P3H2: variants seen among roughly 807,000 people sequenced by gnomAD.
P3H2 encodes the protein leprecan-like 1.
Under a neutral mutation model 87.0 loss-of-function variants are expected in P3H2, and 80 were observed. That is an observed-to-expected ratio of 0.92 (90% CI 0.77 to 1.11). P3H2 has a LOEUF of 1.11. P3H2 is among the 50% of genes least tolerant of loss of function. P3H2 has a pLI of 0.00. For synonymous variants in P3H2, 367 were observed against 359.3 expected (o/e 1.02, Z -0.24); for missense variants, 1,001 against 923.9 (o/e 1.08, Z -1.08).
intron 8 of P3H2, among the ~76,000 whole-genome samples, chr3:189,977,476 C>T (rs956949801): frequency 2.0e-5 from 3 of 152,176 alleles, no homozygotes; most frequent in Admixed American, 1.3e-4. Flanking sequence ...GGTGAGAGAT[C>T]CTGAAGCCAA....
At chr3:189,974,139 G>A (rs1560343547) in intron 9 of P3H2, 135 bp from the exon 10 acceptor site, 9 of 734,656 alleles carry the variant, frequency 1.2e-5, no homozygotes, top group Non-Finnish European at 2.2e-5. Context: ...CAGGATGCTG[G>A]TATAACTATT....
chr3:189,973,938 C>T lies in P3H2; in HGVS notation c.1519G>A (p.Glu507Lys), dbSNP rs1723264365. 3.1e-6 allele frequency: 5 copies of T among 1,614,118 alleles called. No homozygotes were observed. Among genetic ancestry groups the T allele is most frequent in the Non-Finnish European group, 4.2e-6 (5 of 1,180,000 alleles). Residue 507 changes from glutamate to lysine, a missense_variant, in exon 10 of 15, where the codon GAA becomes AAA. Transcript: ENST00000319332. ...AGTGCTTTCAGGACAGTTGCACCTT[C>T]AAACTTTTCATTGGGTGTATGGGGT... ...TSPHTPNEKFEGATVLKALKS... is the reference protein window; with the variant it reads ...TSPHTPNEKFKGATVLKALKS...
At chr3:190,086,448 A>T (rs1365295905) in intron 1 of P3H2, among the ~76,000 whole-genome samples, 2 of 152,106 alleles carry the variant, frequency 1.3e-5, no homozygotes, top group Non-Finnish European at 2.9e-5. Flanking sequence ...CTAATTCCCA[A>T]CCTGCAGCAG....
At chr3:190,024,303 T>C (rs1432915027) in intron 1 of P3H2, among the ~76,000 whole-genome samples, 5 of 151,792 alleles carry the variant, frequency 3.3e-5, no homozygotes, top group African/African-American at 7.3e-5. Context: ...CTTTGGGAGA[T>C]AGAGGCAGGT....
chr3:190,011,116 A>G (rs1474023742), intron 1 of P3H2, among the ~76,000 whole-genome samples: 2 of 152,110 alleles, frequency 1.3e-5, no homozygotes, highest in Non-Finnish European at 2.9e-5. Flanking sequence ...TCTACTAAAA[A>G]TACAAACAAT....
intron 1 of P3H2, among the ~76,000 whole-genome samples, chr3:190,100,998 C>G (rs1711605452): frequency 6.6e-6 from 1 of 152,092 alleles, no homozygotes; most frequent in Non-Finnish European, 1.5e-5. Flanking sequence ...GCTACCATTA[C>G]TGTTACGATG....
At chr3:190,093,426 C>T (rs771257468) in intron 1 of P3H2, among the ~76,000 whole-genome samples, 36 of 152,028 alleles carry the variant, frequency 2.4e-4, no homozygotes, top group Admixed American at 8.5e-4. Flanking sequence ...GAAAGAGGAA[C>T]GAAGGCCATA....
intron 1 of P3H2, among the ~76,000 whole-genome samples, chr3:190,024,987 GA>G (rs926720151): frequency 6.6e-5 from 10 of 150,462 alleles, no homozygotes; most frequent in African/African-American, 2.5e-4. Context: ...CTTATCAAAA[GA>G]CAAAAAAAAA....
chr3:190,076,154 G>GA (rs5855302), intron 1 of P3H2, among the ~76,000 whole-genome samples: 8,751 of 141,960 alleles, frequency 0.062, 410 homozygotes, highest in Admixed American at 0.14. Flanking sequence ...ATTAAGATAT[G>GA]AAAAAAAAAA....
intron 14 of P3H2, among the ~76,000 whole-genome samples, chr3:189,960,023 T>C (rs1722766621): frequency 6.6e-6 from 1 of 152,078 alleles, no homozygotes; most frequent in African/African-American, 2.4e-5. Context: ...CTGAAGCCAC[T>C]CTCCCTCTTG....
chr3:190,002,945 A>T (rs1365595578), intron 1 of P3H2, among the ~76,000 whole-genome samples: 1 of 152,216 alleles, frequency 6.6e-6, no homozygotes, highest in Non-Finnish European at 1.5e-5. Flanking sequence ...TGAAGAACAC[A>T]TGTTAATTCA....
At chr3:190,064,976 C>A (rs563321445) in intron 1 of P3H2, among the ~76,000 whole-genome samples, 2 of 152,094 alleles carry the variant, frequency 1.3e-5, no homozygotes, top group African/African-American at 4.8e-5. Context: ...CCTGTTGTTG[C>A]GTAAAGAGTT....
chr3:190,084,024 T>C (rs1312696049), intron 1 of P3H2, among the ~76,000 whole-genome samples: 1 of 152,220 alleles, frequency 6.6e-6, no homozygotes, highest in Non-Finnish European at 1.5e-5. Flanking sequence ...TCAAAAGATA[T>C]TTCTTATAGC....
rs77933510 is a variant in P3H2 at position 190,023,249 on chromosome 3, T to C, written c.481-27807A>G. On this transcript the variant is annotated intron_variant, in intron 1 of 14. Transcript: ENST00000319332. ...TGACAAATTAAATAGCCTTACTCAA[T>C]TGCCGTTTTGGGAATGGAGGTAAAG... Among the ~76,000 whole-genome samples the C allele has an allele frequency of 2.8e-3, 423 of 152,304 alleles. 1 individual carries two copies. Among genetic ancestry groups the C allele is most frequent in the African/African-American group, 9.5e-3 (395 of 41,558 alleles).
At chr3:190,032,866 G>A (rs982106285) in intron 1 of P3H2, among the ~76,000 whole-genome samples, 1 of 152,146 alleles carries the variant, frequency 6.6e-6, no homozygotes, top group African/African-American at 2.4e-5. Context: ...GGGCGATGGT[G>A]TGAGAATGAT....
chr3:190,061,417 G>A (rs1726328179), intron 1 of P3H2, among the ~76,000 whole-genome samples: 2 of 152,038 alleles, frequency 1.3e-5, no homozygotes, highest in Admixed American at 1.3e-4. Flanking sequence ...ACCCTCATAT[G>A]AAGGTGAAAG....
chr3:190,040,161 T>C (rs758910081), intron 1 of P3H2, among the ~76,000 whole-genome samples: 3 of 152,206 alleles, frequency 2.0e-5, no homozygotes, highest in Non-Finnish European at 2.9e-5. Context: ...CTTACACTTT[T>C]ATCAAATGAT....
At chr3:189,997,023 A>AT (rs768428502) in intron 1 of P3H2, among the ~76,000 whole-genome samples, 80 of 152,310 alleles carry the variant, frequency 5.3e-4, no homozygotes, top group Non-Finnish European at 8.5e-4. Flanking sequence ...ATTTTAACAC[A>AT]TTTTTAAAAT....
At chr3:190,106,036 G>T in intron 1 of P3H2, among the ~76,000 whole-genome samples, 1 of 152,292 alleles carries the variant, frequency 6.6e-6, no homozygotes, top group Non-Finnish European at 1.5e-5. Flanking sequence ...ATGGGTACAA[G>T]AAATCAGGGT....
Sources: allele counts gnomAD v4.1 joint callset (sites outside exome capture counted in the v4.1 genomes callset), GRCh38; gene constraint gnomAD v4.1.1; transcripts MANE v1.5; gene names NCBI Gene and HGNC (gene_info 2026-07-23, HGNC 2026-07-21).